Variants in PREX1 observed in about 807,000 individuals in gnomAD.
The protein encoded by PREX1 is phosphatidylinositol-3,4,5-trisphosphate dependent Rac exchange factor 1, also known as phosphatidylinositol 3,4,5-trisphosphate-dependent Rac exchanger 1 protein.
A neutral mutation model predicts 198.3 loss-of-function variants in PREX1; 41 were observed. That is an observed-to-expected ratio of 0.21 (90% CI 0.16 to 0.27). PREX1 has a LOEUF of 0.27. PREX1 is among the 10% of genes least tolerant of loss of function. PREX1 has a pLI of 1.00. For synonymous variants in PREX1, 843 were observed against 887.2 expected (o/e 0.95, Z 0.89); for missense variants, 1,620 against 2,200.7 (o/e 0.74, Z 5.28).
At chr20:48,794,300 G>A (rs1328748979) in intron 1 of PREX1, among the ~76,000 whole-genome samples, 1 of 152,184 alleles carries the variant, frequency 6.6e-6, no homozygotes, top group Non-Finnish European at 1.5e-5. Context: ...GGGAGATAGG[G>A]GCACAGAGAA....
the PREX1 span, among the ~76,000 whole-genome samples, chr20:48,856,528 G>A: frequency 6.6e-6 from 1 of 152,236 alleles, no homozygotes; most frequent in East Asian, 1.9e-4. Flanking sequence ...AGGCCACGTT[G>A]CAAGTTCCTG....
chr20:48,864,338 A>T, the PREX1 span, among the ~76,000 whole-genome samples: 1 of 152,208 alleles, frequency 6.6e-6, no homozygotes, highest in African/African-American at 2.4e-5. Flanking sequence ...AACAAGAGAG[A>T]TGTCCGTTAC....
chr20:48,694,104 G>GT (rs1443336083), intron 7 of PREX1, among the ~76,000 whole-genome samples: 1 of 151,944 alleles, frequency 6.6e-6, no homozygotes, highest in Non-Finnish European at 1.5e-5. Context: ...TAGAGACAGG[G>GT]TTTCACCATG....
chr20:48,785,125 G>A (rs772660153), intron 1 of PREX1, among the ~76,000 whole-genome samples: 1 of 152,152 alleles, frequency 6.6e-6, no homozygotes, highest in Non-Finnish European at 1.5e-5. Context: ...TGTTGGCCAG[G>A]CTGGTCTGGA....
At chr20:48,726,210 T>C in intron 5 of PREX1, 80 bp downstream of exon 5, 1 of 1,218,460 alleles carries the variant, frequency 8.2e-7, no homozygotes, top group East Asian at 2.5e-5. Context: ...GCTAGACTTC[T>C]CAGATACTTG....
At position 48,636,507 on chromosome 20, in the gene PREX1, C is replaced by T; in HGVS notation, c.4123G>A (p.Gly1375Ser). Residue 1375 changes from glycine (G) to serine (S), a missense_variant, in exon 32 of 40, where the codon GGC becomes AGC. Physicochemically the swap from Gly to Ser is moderately conservative, Grantham distance 56. This residue lies in a region of PREX1 where 476 missense variants were observed against 603.4 expected (regional missense o/e 0.79). Coordinates refer to ENST00000371941, the MANE Select transcript of PREX1 (RefSeq NM_020820.4). ...AGGGACTGGCAGTGCAGCAGGACGC[C>T]CGTGGCCGCCACCTGCTCCAGCCAC... ...RKWLEQVAATGVLLHCQSLLS... is the reference protein window; with the variant it reads ...RKWLEQVAATSVLLHCQSLLS... The T allele has an allele frequency of 6.2e-7, 1 of 1,609,848 alleles. No homozygotes were observed.
chr20:48,887,482 T>C, the PREX1 span, among the ~76,000 whole-genome samples: 3 of 152,088 alleles, frequency 2.0e-5, no homozygotes, highest in Non-Finnish European at 2.9e-5. Context: ...TAGCCAGGCA[T>C]AGTGGCTCAC....
chr20:48,629,976 A>T (rs545148165), intron 36 of PREX1, among the ~76,000 whole-genome samples: 19 of 152,066 alleles, frequency 1.2e-4, no homozygotes, highest in Non-Finnish European at 2.1e-4. Flanking sequence ...CTCCAGAAAA[A>T]GCCTTCCCTT....
intron 18 of PREX1, 110 bp downstream of exon 18, chr20:48,656,930 A>G (rs2089548479): frequency 7.4e-7 from 1 of 1,360,466 alleles, no homozygotes; most frequent in African/African-American, 1.5e-5. Flanking sequence ...TGTGACTCCA[A>G]CAATGGGTCC....
chr20:48,709,355 G>A (rs1048632501), intron 5 of PREX1, among the ~76,000 whole-genome samples: 11 of 152,244 alleles, frequency 7.2e-5, no homozygotes, highest in East Asian at 1.9e-4. Flanking sequence ...TAACATCCCC[G>A]CAGATGTGAC....
chr20:48,823,207 G>T (rs542703659), intron 1 of PREX1, among the ~76,000 whole-genome samples: 1 of 152,098 alleles, frequency 6.6e-6, no homozygotes, highest in Non-Finnish European at 1.5e-5. Flanking sequence ...CCTCAGCCAC[G>T]GGGAGACCTT....
rs114347548 is a variant in PREX1, at chr20:48,702,406, G to A, written c.784-1520C>T. 4.7e-3 allele frequency among the ~76,000 whole-genome samples: 709 copies of A among 152,274 alleles called. 6 individuals are homozygous for A. Among genetic ancestry groups the A allele is most frequent in the African/African-American group, 0.016 (669 of 41,548 alleles). ...GAATGCCAAATGAGGCAGCCCCTCC[G>A]CTGACCCTCAATCCACGTCCCTCTT... On this transcript the variant is annotated intron_variant, in intron 6 of 39. Transcript: ENST00000371941.
chr20:48,766,272 G>C (rs368896351), intron 1 of PREX1, among the ~76,000 whole-genome samples: 11 of 151,972 alleles, frequency 7.2e-5, no homozygotes, highest in Admixed American at 6.6e-4. Context: ...CAGGAAACCC[G>C]TCCCTGGTGC....
chr20:48,656,374 G>A lies in PREX1; in HGVS notation c.2123+666C>T, dbSNP rs933518278. 32 of 434,070 alleles carry A rather than the reference G, an allele frequency of 7.4e-5. 1 individual carries two copies. The highest frequency in any genetic ancestry group is 2.9e-4 in the East Asian group (4 of 13,716). 26.9% of individuals were successfully genotyped at this position (434,070 alleles called of 1,614,324 possible). A position where few individuals can be genotyped will look rare whatever the true frequency, so the allele number is the denominator to read the frequency against. ...GCTCCACTTGCAGCCACAGGACTTC[G>A]ATCAGAAGCTTCCAGTGGCTCCCCA... On this transcript the variant is annotated intron_variant, in intron 18 of 39. Coordinates refer to ENST00000371941, the MANE Select transcript of PREX1 (RefSeq NM_020820.4).
At position 48,707,753 on chromosome 20, in the gene PREX1, T is replaced by C. The variant is rs545241252; in HGVS notation, c.783+507A>G. Among the ~76,000 whole-genome samples, 45 of 152,316 alleles carry C rather than the reference T, an allele frequency of 3.0e-4. 2 individuals carry two copies. The South Asian group carries it at 8.9e-3, about 30-fold the overall frequency. ...GAACCCCATCCCCTAATAATCATGA[T>C]AGTAATACTAACAGCTACCATTTAT... On this transcript the variant is annotated intron_variant, in intron 6 of 39. Transcript: ENST00000371941.
intron 6 of PREX1, among the ~76,000 whole-genome samples, chr20:48,706,559 T>C (rs1258956730): frequency 2.0e-5 from 3 of 152,086 alleles, no homozygotes; most frequent in African/African-American, 7.2e-5. Flanking sequence ...AGGGAAGAGA[T>C]CTCCCCACTA....
intron 15 of PREX1, among the ~76,000 whole-genome samples, chr20:48,665,436 C>G (rs551283149): frequency 1.4e-5 from 2 of 147,398 alleles, no homozygotes; most frequent in Non-Finnish European, 3.0e-5. Context: ...TGACTCCAGA[C>G]GGCCTGAGTT....
the PREX1 span, among the ~76,000 whole-genome samples, chr20:48,882,904 C>T: frequency 7.2e-6 from 1 of 139,402 alleles, no homozygotes; most frequent in East Asian, 2.0e-4. Flanking sequence ...TATTCAAATT[C>T]TTTGTCCATC....
chr20:48,741,083 A>T (rs968106571), intron 3 of PREX1, among the ~76,000 whole-genome samples: 1 of 151,926 alleles, frequency 6.6e-6, no homozygotes, highest in African/African-American at 2.4e-5. Context: ...ATCTCGACTC[A>T]CTGCAACCTC....
Sources: allele counts gnomAD v4.1 joint callset (sites outside exome capture counted in the v4.1 genomes callset), GRCh38; gene constraint gnomAD v4.1.1; regional missense constraint gnomAD v4.1.1; transcripts MANE v1.5; gene names NCBI Gene and HGNC (gene_info 2026-07-23, HGNC 2026-07-21).